The following RACK1 variants were observed in gnomAD, a reference collection of about 807,000 sequenced individuals.
The protein encoded by RACK1 is small ribosomal subunit protein RACK1.
A neutral mutation model predicts 42.2 loss-of-function variants in RACK1; 3 were observed. The ratio of observed to expected loss-of-function variants is 0.07; its 90% CI spans 0.03 to 0.18. The LOEUF is 0.18. Among genes scored for constraint, RACK1 ranks in the 10% least tolerant of loss-of-function variants. The pLI, the probability that RACK1 is intolerant of heterozygous loss-of-function variation, is 1.00. For missense variants in RACK1, 146 were observed against 403.2 expected (o/e 0.36, Z 5.46); for synonymous variants, 181 against 154.8 (o/e 1.17, Z -1.25).
rs748086030 is a variant in RACK1, at chr5:181,241,652, A to C, written c.282-13T>G. On this transcript the variant is annotated splice_polypyrimidine_tract_variant and intron_variant, in intron 2 of 7. Transcript: ENST00000512805. The stretch of plus-strand genomic sequence containing the variant: ...CGTGGTGGTGCCCCTGAGAGGGAGG[A>C]GTTTGTCATTCTCAGACTTAGCAAA... 30 of 1,613,682 alleles carry C rather than the reference A, an allele frequency of 1.9e-5. No homozygotes were observed. Among genetic ancestry groups the C allele is most frequent in the Non-Finnish European group, 2.5e-5 (29 of 1,179,796 alleles).
chr5:181,237,660 G>C lies in RACK1; in HGVS notation c.837C>G (p.Ser279Arg). 6.2e-7 allele frequency: 1 copy of C among 1,613,100 alleles called. No individual in the cohort carries two copies. Among genetic ancestry groups the C allele is most frequent in the Admixed American group, 1.7e-5 (1 of 60,028 alleles). The change falls in exon 7 of 8, where the codon AGC (serine) becomes AGG (arginine). Residue 279 changes from serine (S) to arginine (R), a missense_variant. Transcript: ENST00000512805. ...AGGTGCACTGGGGTGGTTCTGCCTT[G>C]CTGCTGGTACTGATAACTTCTTGCT... ...ELKQEVISTS[S>R]KAEPPQCTSL... is the part of the protein sequence containing the mutation.
In RACK1 at chr5:181,238,161, G is replaced by A. The variant is rs1374388004; in HGVS notation, c.715C>T (p.Leu239=). 1 of 1,614,142 alleles carries A rather than the reference G, an allele frequency of 6.2e-7. No individual in the cohort carries two copies. The highest frequency in any genetic ancestry group is 1.1e-5 in the South Asian group (1 of 91,082). The change falls in exon 6 of 8, where the codon CTG becomes TTG. Residue 239 remains leucine, a synonymous_variant. Transcript: ENST00000512805. The part of the protein sequence containing the change: ...TLDGGDIINA[L]CFSPNRYWLC... Reference sequence around the variant, plus strand: ...CAGTAGCGGTTAGGGCTGAAGCACAGGGCGTTGATGATGTCCCCACCATCT... The same window carrying A: ...CAGTAGCGGTTAGGGCTGAAGCACAAGGCGTTGATGATGTCCCCACCATCT...
At chr5:181,237,740 A>T in intron 6 of RACK1, 21 bp from the exon 7 acceptor site, 2 of 1,259,158 alleles carry the variant, frequency 1.6e-6, no homozygotes, top group Non-Finnish European at 2.3e-6. Context: ...GGGCAAAAGC[A>T]ACCTTAAGAC....
At chr5:181,243,466 C>T in intron 1 of RACK1, 2 of 1,484,094 alleles carry the variant, frequency 1.3e-6, no homozygotes, top group Non-Finnish European at 8.9e-7. Flanking sequence ...CTCCTAGCAG[C>T]TGCGAGCTGA....
At chr5:181,243,183 G>C in intron 1 of RACK1, 1 of 900,264 alleles carries the variant, frequency 1.1e-6, no homozygotes, top group Non-Finnish European at 1.6e-6. Context: ...AGCACAAGAA[G>C]CGTCTAAACG....
intron 6 of RACK1, 163 bp downstream of exon 6, chr5:181,237,936 A>G (rs1414009659): frequency 2.8e-6 from 2 of 713,780 alleles, no homozygotes; most frequent in Non-Finnish European, 4.8e-6. Flanking sequence ...TGGAATGTAC[A>G]GGACTGCACA....
intron 6 of RACK1, 22 bp from the exon 7 acceptor site, chr5:181,237,741 A>T (rs1582292523): frequency 3.3e-6 from 4 of 1,228,522 alleles, no homozygotes; most frequent in Non-Finnish European, 4.7e-6. Flanking sequence ...GGCAAAAGCA[A>T]CCTTAAGACT....
intron 5 of RACK1, chr5:181,238,524 G>C (rs1204859220): frequency 2.6e-6 from 1 of 382,148 alleles, no homozygotes; most frequent in African/African-American, 2.1e-5. Context: ...CCAACTTTAG[G>C]CTGGGTGCGG....
intron 2 of RACK1, chr5:181,241,934 A>G (rs750200146): frequency 3.9e-6 from 3 of 767,062 alleles, no homozygotes; most frequent in Non-Finnish European, 7.1e-6. Flanking sequence ...TCAAGGTAAA[A>G]CATGTTCAAA....
chr5:181,237,558 G>A (rs376397511), intron 7 of RACK1, 51 bp downstream of exon 7: 29 of 933,282 alleles, frequency 3.1e-5, no homozygotes, highest in East Asian at 1.7e-4. Context: ...CAGAATGAGA[G>A]GGAGAAAATT....
intron 7 of RACK1, chr5:181,237,260 T>C (rs1210922687): frequency 5.7e-6 from 5 of 884,260 alleles, no homozygotes; most frequent in Non-Finnish European, 9.1e-6. Flanking sequence ...CAACGCCGGG[T>C]AGACTGTAAG....
At chr5:181,242,534 C>A in intron 1 of RACK1, 189 bp from the exon 2 acceptor site, 1 of 681,558 alleles carries the variant, frequency 1.5e-6, no homozygotes. Context: ...ACTAAAAACG[C>A]ACGTAGAGGT....
intron 6 of RACK1, 24 bp from the exon 7 acceptor site, chr5:181,237,743 C>A: frequency 8.2e-7 from 1 of 1,213,634 alleles, no homozygotes; most frequent in Non-Finnish European, 1.2e-6. Context: ...CAAAAGCAAC[C>A]TTAAGACTTA....
At chr5:181,241,719 T>G in intron 2 of RACK1, 80 bp from the exon 3 acceptor site, 2 of 1,441,302 alleles carry the variant, frequency 1.4e-6, no homozygotes, top group South Asian at 2.3e-5. Context: ...GGGCTTTGTC[T>G]CTGTCTCATT....
intron 7 of RACK1, 149 bp from the exon 8 acceptor site, chr5:181,237,191 C>T: frequency 7.0e-7 from 1 of 1,424,786 alleles, no homozygotes; most frequent in Non-Finnish European, 9.7e-7. Flanking sequence ...CTCACTACAG[C>T]CTTAAGCCCC....
rs771247749 is a variant in RACK1, at chr5:181,239,484, C to T, written c.525+3G>A. The T allele has an allele frequency of 4.3e-6, 7 of 1,610,358 alleles. No individual in the cohort carries two copies. The Admixed American group carries it at 6.7e-5, about 15-fold the overall frequency. ...AAAGCCCCTGCCTTGGCTTGACGCT[C>T]ACCTTGACCAGCTTGTCCCAGCCAC... On this transcript the variant is annotated splice_donor_region_variant and intron_variant, in intron 4 of 7. Coordinates refer to ENST00000512805, the MANE Select transcript of RACK1 (RefSeq NM_006098.5).
At chr5:181,241,869 A>G (rs746506944) in intron 2 of RACK1, 35 of 769,248 alleles carry the variant, frequency 4.5e-5, no homozygotes, top group Non-Finnish European at 5.0e-5. Flanking sequence ...TTGGCTGACA[A>G]TGCCATCTGT....
chr5:181,240,536 CTGTA>C (rs930613234), intron 3 of RACK1: 10 of 151,704 alleles, frequency 6.6e-5, no homozygotes, highest in African/African-American at 2.4e-4. Context: ...TGGCACACGC[CTGTA>C]ATCTTCTCAG....
At chr5:181,238,967 T>C in intron 5 of RACK1, 100 bp downstream of exon 5, 1 of 801,910 alleles carries the variant, frequency 1.2e-6, no homozygotes, top group Non-Finnish European at 2.3e-6. Flanking sequence ...CCTAAAACCA[T>C]CTTGGCTAAT....
Sources: allele counts gnomAD v4.1 joint callset, GRCh38; gene constraint gnomAD v4.1.1; transcripts MANE v1.5; gene names NCBI Gene and HGNC (gene_info 2026-07-23, HGNC 2026-07-21).